Variants in MGA observed in about 807,000 individuals in gnomAD.
MGA encodes the protein MAX gene-associated protein.
Under a neutral mutation model 261.1 loss-of-function variants are expected in MGA, and 40 were observed. The ratio of observed to expected loss-of-function variants is 0.15; its 90% CI spans 0.12 to 0.20. The LOEUF (loss-of-function observed/expected upper bound fraction) is 0.20, where lower values mean the gene tolerates loss of function less well. MGA is among the 10% of genes least tolerant of loss of function. The probability of loss-of-function intolerance (pLI) is 1.00; values close to 1 mark genes in which losing one functional copy is unlikely to be tolerated. For missense variants in MGA, 3,397 were observed against 3,630.5 expected, an observed-to-expected ratio of 0.94 and a Z score of 1.65; for synonymous variants, 1,302 against 1,290.6, an observed-to-expected ratio of 1.01 and a Z score of -0.19.
chr15:41,645,127 C>T (rs1046097150), intron 1 of MGA, among the ~76,000 whole-genome samples: 1 of 152,150 alleles, frequency 6.6e-6, no homozygotes, highest in Non-Finnish European at 1.5e-5. Flanking sequence ...GTTCCTTAGC[C>T]TTAAAATCAG....
At chr15:41,665,438 G>A (rs2057672992) in intron 1 of MGA, among the ~76,000 whole-genome samples, 1 of 151,648 alleles carries the variant, frequency 6.6e-6, no homozygotes, top group African/African-American at 2.4e-5. Context: ...CTAGACTGGA[G>A]TGCAGTGGCA....
chr15:41,636,615 G>A (rs949440649), intron 1 of MGA, among the ~76,000 whole-genome samples: 4 of 151,876 alleles, frequency 2.6e-5, no homozygotes, highest in East Asian at 1.9e-4. Flanking sequence ...GGGTTTCACC[G>A]TGTTAGCCAC....
intron 15 of MGA, among the ~76,000 whole-genome samples, chr15:41,747,166 G>C (rs2062551327): frequency 6.6e-6 from 1 of 152,008 alleles, no homozygotes; most frequent in Admixed American, 6.6e-5. Flanking sequence ...TCTAAGCCAG[G>C]TTTATTTCCC....
At chr15:41,642,705 C>T (rs1000506544) in intron 1 of MGA, among the ~76,000 whole-genome samples, 2 of 152,002 alleles carry the variant, frequency 1.3e-5, no homozygotes, top group African/African-American at 4.8e-5. Context: ...GATCTCTTGA[C>T]CTTGTGATTC....
At position 41,767,589 on chromosome 15, in the gene MGA, C is replaced by T. The variant is rs998258601; in HGVS notation, c.*309C>T. On this transcript the variant is annotated 3_prime_UTR_variant, in exon 24 of 24. Transcript: ENST00000219905. ...AGGAATTTATAACATGACTCTGGCTCCACAGTGGTTTCTAGTTCTTCCCCC... is the reference window on the plus strand; with the variant it reads ...AGGAATTTATAACATGACTCTGGCTTCACAGTGGTTTCTAGTTCTTCCCCC... 3.0e-6 allele frequency: 1 copy of T among 336,868 alleles called. No homozygotes were observed. The highest frequency in any genetic ancestry group is 6.5e-5 in the South Asian group (1 of 15,500). 20.9% of individuals were successfully genotyped at this position (336,868 alleles called of 1,614,324 possible). A position where few individuals can be genotyped will look rare whatever the true frequency, so the allele number is the denominator to read the frequency against.
intron 5 of MGA, among the ~76,000 whole-genome samples, chr15:41,703,761 C>T (rs1283611491): frequency 6.6e-6 from 1 of 152,024 alleles, no homozygotes; most frequent in Non-Finnish European, 1.5e-5. Context: ...ATAAAAAATT[C>T]ACTTATCAGT....
chr15:41,722,919 A>T (rs1280325827), intron 9 of MGA, among the ~76,000 whole-genome samples: 1 of 152,186 alleles, frequency 6.6e-6, no homozygotes, highest in Non-Finnish European at 1.5e-5. Context: ...ATACATATTT[A>T]TTGTAATTTT....
chr15:41,691,632 T>C (rs373441899), intron 2 of MGA: 12 of 519,112 alleles, frequency 2.3e-5, no homozygotes, highest in Non-Finnish European at 4.4e-5. Context: ...TTTTATGCAA[T>C]CTGAATGATC....
intron 1 of MGA, among the ~76,000 whole-genome samples, chr15:41,646,456 A>G (rs1272218372): frequency 1.3e-5 from 2 of 151,332 alleles, no homozygotes; most frequent in African/African-American, 4.9e-5. Flanking sequence ...AGTGATTCTC[A>G]TGCCTCAGCC....
chr15:41,762,460 G>GTTTTTTTTTTTTTTTTTTTTTTTT (rs1491528643), intron 22 of MGA, 98 bp downstream of exon 22: 4 of 190,262 alleles, frequency 2.1e-5, no homozygotes, highest in African/African-American at 1.7e-4. Context: ...AGTTTTGTGT[G>GTTTTTTTTTTTTTTTTTTTTTTTT]GTTTTTTTTT....
chr15:41,669,778 C>A lies in MGA; in HGVS notation c.884C>A (p.Thr295Lys), dbSNP rs867531073. Residue 295 changes from threonine (T) to lysine (K), a missense_variant, in exon 2 of 24, where the codon ACA becomes AAA. Around this residue, in one of 9 missense-constraint regions of MGA, gnomAD observed 563 missense variants for 563.6 expected, o/e 1.00. Transcript: ENST00000219905. ...TCTTCTGGTCATCGGGTCCGTCTTACAGAAGGTCAGGGGTCAGAGATACAA... is the reference window on the plus strand; with the variant it reads ...TCTTCTGGTCATCGGGTCCGTCTTAAAGAAGGTCAGGGGTCAGAGATACAA... 1.2e-6 allele frequency: 2 copies of A among 1,613,930 alleles called. No individual in the cohort carries two copies. Among genetic ancestry groups the A allele is most frequent in the Non-Finnish European group, 1.7e-6 (2 of 1,179,866 alleles).
At chr15:41,633,315 C>T (rs185911069) in intron 1 of MGA, among the ~76,000 whole-genome samples, 11 of 150,246 alleles carry the variant, frequency 7.3e-5, no homozygotes, top group African/African-American at 1.2e-4. Flanking sequence ...ATTATTTAAT[C>T]GCCTAAGTAG....
chr15:41,656,344 TTCTCTCTC>T (rs59370765), upstream of MGA, among the ~76,000 whole-genome samples: 24 of 60,028 alleles, frequency 4.0e-4, 1 homozygote, highest in East Asian at 2.6e-3. Context: ...CTCTCCTCTC[TTCTCTCTC>T]TCTCTCTCTC....
At position 41,760,588 on chromosome 15, in the gene MGA, T is replaced by A. The variant is rs958350112; in HGVS notation, c.7398+59T>A. On this transcript the variant is annotated intron_variant, in intron 20 of 23. Coordinates refer to ENST00000219905, the MANE Select transcript of MGA (RefSeq NM_001164273.2). ...GACTAAGAGATTCTTACCGATGATA[T>A]GAGAAAGATAATCCACTGACATATA... 3.5e-5 allele frequency: 54 copies of A among 1,538,640 alleles called. No individual in the cohort carries two copies. In the East Asian group the frequency reaches 1.2e-3, roughly 34 times the overall value.
In MGA at chr15:41,698,872, G is replaced by T; in HGVS notation, c.2023G>T (p.Asp675Tyr). Reference sequence around the variant, plus strand: ...TTTTTTTGATGTATAGGAAGCTCTAGACATTCATGCAGTTGATGGGACAAC... The same window carrying T: ...TTTTTTTGATGTATAGGAAGCTCTATACATTCATGCAGTTGATGGGACAAC... Residue 675 changes from aspartate (D) to tyrosine (Y), a missense_variant, in exon 4 of 24, where the codon GAC becomes TAC. Around this residue, in one of 9 missense-constraint regions of MGA, gnomAD observed 563 missense variants for 563.6 expected, o/e 1.00. Coordinates refer to ENST00000219905, the MANE Select transcript of MGA (RefSeq NM_001164273.2). The T allele has an allele frequency of 9.8e-6, 15 of 1,538,106 alleles. No individual in the cohort carries two copies. The highest frequency in any genetic ancestry group is 1.3e-5 in the Non-Finnish European group (15 of 1,139,570).
At chr15:41,624,413 C>T (rs908291643) in intron 1 of MGA, among the ~76,000 whole-genome samples, 16 of 151,742 alleles carry the variant, frequency 1.1e-4, no homozygotes, top group South Asian at 4.1e-4. Flanking sequence ...GCCGCCACCA[C>T]GCCTAGCTAA....
At chr15:41,740,006 G>T in intron 13 of MGA, 2 of 1,613,724 alleles carry the variant, frequency 1.2e-6, no homozygotes, top group South Asian at 2.2e-5. Context: ...GGCAGGTTGC[G>T]ACCCTCAGTC....
chr15:41,753,982 A>G (rs1302381441), intron 17 of MGA, among the ~76,000 whole-genome samples: 2 of 152,068 alleles, frequency 1.3e-5, no homozygotes, highest in East Asian at 3.9e-4. Context: ...GCAGTGGTGC[A>G]GTCTTGGGTC....
At position 41,681,590 on chromosome 15, in the gene MGA, A is replaced by G. The variant is rs556225680; in HGVS notation, c.1064+11632A>G. Among the ~76,000 whole-genome samples the G allele has an allele frequency of 2.5e-4, 38 of 152,104 alleles. No individual in the cohort carries two copies. In the East Asian group the frequency reaches 4.6e-3, roughly 19 times the overall value. On this transcript the variant is annotated intron_variant, in intron 2 of 23. Transcript: ENST00000219905. ...CTCAGCCTCCCGAGTAGCTGAGACT[A>G]TAAGTGTGTGCCTCCTCGCTTGGTT...
Sources: allele counts gnomAD v4.1 joint callset (sites outside exome capture counted in the v4.1 genomes callset), GRCh38; gene constraint gnomAD v4.1.1; regional missense constraint gnomAD v4.1.1; transcripts MANE v1.5; gene names NCBI Gene and HGNC (gene_info 2026-07-23, HGNC 2026-07-21).